Variants in LLGL2 observed in about 807,000 individuals in gnomAD.
LLGL2 encodes the protein LLGL scribble cell polarity complex component 2.
Under a neutral mutation model 123.2 loss-of-function variants are expected in LLGL2, and 81 were observed. That is an observed-to-expected ratio of 0.66 (90% confidence interval 0.55 to 0.79). The LOEUF (loss-of-function observed/expected upper bound fraction) is 0.79. Among genes scored for constraint, LLGL2 ranks in the 30% least tolerant of loss-of-function variants. LLGL2 has a pLI of 0.00. For synonymous variants in LLGL2, 577 were observed against 594.1 expected (o/e 0.97, Z 0.42); for missense variants, 1,273 against 1,414.6 (o/e 0.90, Z 1.61).
At position 75,574,651 on chromosome 17, in the gene LLGL2, G is replaced by A. The variant is rs202123899; in HGVS notation, c.3038G>A (p.Ser1013Asn). ...TCACATCGAGCCGCCGTGGGGTGCAGCCTCAGCAATGGCGGAGGTGGGGGC... is the reference window on the plus strand; with the variant it reads ...TCACATCGAGCCGCCGTGGGGTGCAACCTCAGCAATGGCGGAGGTGGGGGC... ...WRSHRAAVGC[S>N]LSNGGAE The change falls in exon 25 of 26, where the codon AGC becomes AAC. Residue 1013 changes from serine (S) to asparagine (N), a missense_variant. Transcript: ENST00000392550. 7.3e-5 allele frequency: 118 copies of A among 1,611,936 alleles called. No homozygotes were observed. The highest frequency in any genetic ancestry group is 9.0e-5 in the Non-Finnish European group (106 of 1,179,590).
Position 75,574,903 on chromosome 17 carries a change from A to C in LLGL2, c.*25A>C. The C allele has an allele frequency of 1.2e-6, 2 of 1,613,940 alleles. No homozygotes were observed. The highest frequency in any genetic ancestry group is 1.7e-6 in the Non-Finnish European group (2 of 1,179,944). ...AGTGGCTGAGCGTCCAGGCTGCGCGATGAGCACACACTACTACTGATGGCC... is the reference window on the plus strand; with the variant it reads ...AGTGGCTGAGCGTCCAGGCTGCGCGCTGAGCACACACTACTACTGATGGCC... On this transcript the variant is annotated 3_prime_UTR_variant, in exon 26 of 26. Coordinates refer to ENST00000392550, the MANE Select transcript of LLGL2 (RefSeq NM_001031803.2).
rs1325397060 is a variant in LLGL2, at chr17:75,558,204, G to A, written c.223G>A (p.Ala75Thr). ...CATGGGGCTGCACCAGGAGAACAACGCTGTGACGCAGATCCACCTCCTGCC... is the reference window on the plus strand; with the variant it reads ...CATGGGGCTGCACCAGGAGAACAACACTGTGACGCAGATCCACCTCCTGCC... Reference protein sequence around the residue: ...EFMGLHQENNAVTQIHLLPGQ... With the variant: ...EFMGLHQENNTVTQIHLLPGQ... Residue 75 changes from alanine (A) to threonine (T), a missense_variant, in exon 4 of 26, where the codon GCT (alanine) becomes ACT (threonine). By Grantham distance (58) the Ala-to-Thr change is moderately conservative. Transcript: ENST00000392550. The surrounding 1 kb of genome is among the most constrained non-coding windows in gnomAD (Gnocchi z 4.0). 5 of 1,613,422 alleles carry A rather than the reference G, an allele frequency of 3.1e-6. No homozygotes were observed. In the South Asian group the frequency reaches 3.3e-5, roughly 11 times the overall value.
chr17:75,544,619 A>G lies in LLGL2; in HGVS notation c.75+1118A>G, dbSNP rs1406917135. 6.6e-6 allele frequency among the ~76,000 whole-genome samples: 1 copy of G among 152,220 alleles called. No homozygotes were observed. Among genetic ancestry groups the G allele is most frequent in the Non-Finnish European group, 1.5e-5 (1 of 68,038 alleles). ...GTGAGGTAACTTAAGTGCTAGGCAC[A>G]GTGGCCCAGGAATGCTGGCTGCTGC... On this transcript the variant is annotated intron_variant, in intron 2 of 25. Coordinates refer to ENST00000392550, the MANE Select transcript of LLGL2 (RefSeq NM_001031803.2). This position sits in a 1 kb window ranked among gnomAD's most constrained non-coding sequence, Gnocchi z 4.2.
chr17:75,542,291 T>A (rs2054244689), intron 1 of LLGL2, among the ~76,000 whole-genome samples: 1 of 151,942 alleles, frequency 6.6e-6, no homozygotes, highest in Non-Finnish European at 1.5e-5. Flanking sequence ...GTGTTCCCTC[T>A]CCCTCCTGCA....
intron 1 of LLGL2, chr17:75,533,669 A>C (rs73362268): frequency 6.6e-6 from 1 of 152,306 alleles, no homozygotes; most frequent in African/African-American, 2.4e-5. Flanking sequence ...TAAACAAAGC[A>C]AAGATGTCTG....
At chr17:75,551,732 G>C (rs1421011906) in intron 2 of LLGL2, among the ~76,000 whole-genome samples, 1 of 152,186 alleles carries the variant, frequency 6.6e-6, no homozygotes, top group East Asian at 1.9e-4. Flanking sequence ...CTGGTGTGCG[G>C]AATTGTCGAG....
At chr17:75,531,259 G>A (rs1414736466) in intron 1 of LLGL2, among the ~76,000 whole-genome samples, 2 of 152,204 alleles carry the variant, frequency 1.3e-5, no homozygotes, top group African/African-American at 4.8e-5. Context: ...CCTGGGACCA[G>A]GTGGCCCATG....
At chr17:75,570,560 A>AG (rs2055656933) in intron 16 of LLGL2, 62 bp downstream of exon 16, 1 of 1,526,262 alleles carries the variant, frequency 6.6e-7, no homozygotes, top group Non-Finnish European at 8.8e-7. Context: ...AGCAGCCAGC[A>AG]GGGGGGCCAC....
At position 75,558,650 on chromosome 17, in the gene LLGL2, C is replaced by T. The variant is rs776664467; in HGVS notation, c.371+23C>T. On this transcript the variant is annotated intron_variant, in intron 5 of 25. Transcript: ENST00000392550. The surrounding 1 kb of genome is among the most constrained non-coding windows in gnomAD (Gnocchi z 4.0). ...AGGGTAAGGGCTCAATCCCCAGCCC[C>T]TTCCACTCCCAGCCCAGCCTGACCC... 53 of 1,542,404 alleles carry T rather than the reference C, an allele frequency of 3.4e-5. No homozygotes were observed. The highest frequency in any genetic ancestry group is 4.6e-5 in the Non-Finnish European group (52 of 1,133,078).
At chr17:75,570,611 T>G (rs1865854587) in intron 16 of LLGL2, 113 bp downstream of exon 16, 3 of 1,321,206 alleles carry the variant, frequency 2.3e-6, no homozygotes, top group African/African-American at 1.5e-5. Context: ...ACAAACAAGA[T>G]TCAGGGTCCA....
At chr17:75,552,899 A>G in intron 2 of LLGL2, among the ~76,000 whole-genome samples, 1 of 152,196 alleles carries the variant, frequency 6.6e-6, no homozygotes, top group East Asian at 1.9e-4. Context: ...GCTCCTGGCC[A>G]GGCCATTGGG....
intron 1 of LLGL2, 78 bp from the exon 2 acceptor site, chr17:75,543,319 T>G: frequency 1.0e-6 from 1 of 988,298 alleles, no homozygotes; most frequent in Non-Finnish European, 1.5e-6. Context: ...AGAGAGGCCC[T>G]GCTCCACCTG....
At chr17:75,551,670 GA>G (rs2054681191) in intron 2 of LLGL2, among the ~76,000 whole-genome samples, 1 of 152,190 alleles carries the variant, frequency 6.6e-6, no homozygotes, top group East Asian at 1.9e-4. Flanking sequence ...CTTGTGGCCT[GA>G]GAGCCTAGCA....
chr17:75,555,782 C>A (rs2054882951), intron 2 of LLGL2, among the ~76,000 whole-genome samples: 1 of 152,174 alleles, frequency 6.6e-6, no homozygotes, highest in Admixed American at 6.5e-5. Context: ...CGAGTCAGTT[C>A]CTGGAAAGCA....
intron 17 of LLGL2, chr17:75,571,462 C>G: frequency 3.4e-6 from 2 of 592,986 alleles, no homozygotes; most frequent in East Asian, 2.8e-5. Context: ...GATGACGTGT[C>G]TCTCCCTGGC....
chr17:75,570,092 G>C lies in LLGL2; in HGVS notation c.1711G>C (p.Val571Leu). ...HERLAARSGP[V>L]RFEPGFQPFV... ...GCGCCTGGCAGCCCGCTCAGGGCCC[G>C]TGCGCTTTGAGCCTGGCTTTCAGCC... is the stretch of plus-strand genomic sequence containing the variant. The change falls in exon 15 of 26, where the codon GTG (valine) becomes CTG (leucine). Residue 571 changes from valine to leucine, a missense_variant. Transcript: ENST00000392550. 1 of 1,610,102 alleles carries C rather than the reference G, an allele frequency of 6.2e-7. No individual in the cohort carries two copies. Among genetic ancestry groups the C allele is most frequent in the Non-Finnish European group, 8.5e-7 (1 of 1,178,670 alleles).
At position 75,569,072 on chromosome 17, in the gene LLGL2, A is replaced by T; in HGVS notation, c.1417A>T (p.Thr473Ser). 6.2e-7 allele frequency: 1 copy of T among 1,613,098 alleles called. No homozygotes were observed. Among genetic ancestry groups the T allele is most frequent in the Non-Finnish European group, 8.5e-7 (1 of 1,179,738 alleles). ...CACTGTGCGCGTGTTCCTCACCGAC[A>T]CGGACCCCAACGAGAACTTCAGTGC... Reference protein sequence around the residue: ...LSTVRVFLTDTDPNENFSAQG... With the variant: ...LSTVRVFLTDSDPNENFSAQG... The change falls in exon 13 of 26, where the codon ACG becomes TCG. Residue 473 changes from threonine (T) to serine (S), a missense_variant. Coordinates refer to ENST00000392550, the MANE Select transcript of LLGL2 (RefSeq NM_001031803.2).
chr17:75,547,034 G>A (rs560657211), intron 2 of LLGL2, among the ~76,000 whole-genome samples: 14 of 152,304 alleles, frequency 9.2e-5, no homozygotes, highest in South Asian at 4.1e-4. Context: ...GGACAGTGGC[G>A]CCATCACAGC....
At chr17:75,531,736 G>A (rs1042622095) in intron 1 of LLGL2, among the ~76,000 whole-genome samples, 10 of 152,176 alleles carry the variant, frequency 6.6e-5, no homozygotes, top group Non-Finnish European at 1.2e-4. Context: ...GGAGACCCTC[G>A]CTCACTGTGC....
Sources: allele counts gnomAD v4.1 joint callset (sites outside exome capture counted in the v4.1 genomes callset), GRCh38; gene constraint gnomAD v4.1.1; non-coding constraint Gnocchi (gnomAD v3.1); transcripts MANE v1.5; gene names NCBI Gene and HGNC (gene_info 2026-07-23, HGNC 2026-07-21).